KAZN: variants seen among roughly 807,000 people sequenced by gnomAD.
The protein encoded by KAZN is kazrin, periplakin interacting protein, also known as kazrin.
KAZN carries 40 observed loss-of-function variants against 87.4 expected under a neutral mutation model. The observed-to-expected ratio is 0.46, with a 90% CI of 0.36 to 0.60. KAZN has a LOEUF of 0.60. Ranked by LOEUF, KAZN falls within the 20% of genes least tolerant of loss-of-function variation. The probability of loss-of-function intolerance (pLI) is 0.00; values close to 1 mark genes in which losing one functional copy is unlikely to be tolerated. For missense variants in KAZN, 898 were observed against 1,073.9 expected (o/e 0.84, Z 2.29); for synonymous variants, 466 against 458.3 (o/e 1.02, Z -0.22).
intron 2 of KAZN, among the ~76,000 whole-genome samples, chr1:14,266,743 T>C (rs1488359141): frequency 1.3e-5 from 2 of 152,142 alleles, no homozygotes; most frequent in Non-Finnish European, 2.9e-5. Context: ...GACGTAGACA[T>C]GCCAATTCAC....
At chr1:13,983,538 G>T (rs528538588) in intron 1 of KAZN, among the ~76,000 whole-genome samples, 4 of 152,306 alleles carry the variant, frequency 2.6e-5, no homozygotes, top group Admixed American at 1.3e-4. Context: ...TCCTGCTCGG[G>T]CCTCTCCCTC....
intron 1 of KAZN, among the ~76,000 whole-genome samples, chr1:13,956,316 T>C (rs865883662): frequency 7.1e-6 from 1 of 140,604 alleles, no homozygotes; most frequent in Non-Finnish European, 1.5e-5. Context: ...TTTTCTTTTT[T>C]TTTTTTTGAT....
chr1:14,359,110 A>G lies in KAZN; in HGVS notation c.249+178518A>G, dbSNP rs1158127967. 2.0e-5 allele frequency among the ~76,000 whole-genome samples: 3 copies of G among 152,136 alleles called. No individual in the cohort carries two copies. In the East Asian group the frequency reaches 5.8e-4, roughly 29 times the overall value. Reference sequence around the variant, plus strand: ...GCTTTATGAATCTGGGTGCTCCTGTATTGGGTGCATATATATTTAGGATAG... The same window carrying G: ...GCTTTATGAATCTGGGTGCTCCTGTGTTGGGTGCATATATATTTAGGATAG... On this transcript the variant is annotated intron_variant, in intron 2 of 16. Coordinates refer to the KAZN transcript ENST00000636203.
intron 2 of KAZN, among the ~76,000 whole-genome samples, chr1:14,323,937 C>T (rs1224162406): frequency 6.6e-6 from 1 of 152,186 alleles, no homozygotes; most frequent in Non-Finnish European, 1.5e-5. Context: ...TCTAACCTTT[C>T]AAGTACTTGG....
chr1:15,067,775 C>G (rs878867779), intron 8 of KAZN: 3 of 985,348 alleles, frequency 3.0e-6, no homozygotes, highest in Non-Finnish European at 3.6e-6. Context: ...ACTGTTTAAC[C>G]GAGCCTAGGG....
At chr1:14,382,231 A>G (rs1375203454) in intron 2 of KAZN, among the ~76,000 whole-genome samples, 1 of 152,234 alleles carries the variant, frequency 6.6e-6, no homozygotes, top group Non-Finnish European at 1.5e-5. Flanking sequence ...AAATGTCCAT[A>G]CTACCCAATG....
At chr1:14,489,913 T>A (rs552071428) in intron 2 of KAZN, among the ~76,000 whole-genome samples, 61 of 152,320 alleles carry the variant, frequency 4.0e-4, no homozygotes, top group African/African-American at 1.4e-3. Context: ...TTTGCCTACA[T>A]ATCTGACTGT....
At chr1:14,119,215 C>T (rs1644698105) in intron 1 of KAZN, among the ~76,000 whole-genome samples, 2 of 152,152 alleles carry the variant, frequency 1.3e-5, no homozygotes, top group Non-Finnish European at 1.5e-5. Context: ...GACCAGGCAG[C>T]CCATGGGTCT....
intron 1 of KAZN, among the ~76,000 whole-genome samples, chr1:14,785,158 G>A (rs1458192274): frequency 6.6e-6 from 1 of 151,994 alleles, no homozygotes; most frequent in Non-Finnish European, 1.5e-5. Context: ...TAGAAAAGGG[G>A]ATTTATTGGA....
At chr1:14,420,724 C>T (rs1469843718) in intron 2 of KAZN, among the ~76,000 whole-genome samples, 1 of 152,158 alleles carries the variant, frequency 6.6e-6, no homozygotes, top group Non-Finnish European at 1.5e-5. Flanking sequence ...ACCTGGCGCA[C>T]CCTTTGCAGC....
At position 14,996,006 on chromosome 1, in the gene KAZN, C is replaced by T. The variant is rs910721762; in HGVS notation, c.418+35131C>T. Among the ~76,000 whole-genome samples, 2 of 152,108 alleles carry T rather than the reference C, an allele frequency of 1.3e-5. No individual in the cohort carries two copies. The highest frequency in any genetic ancestry group is 2.4e-5 in the African/African-American group (1 of 41,422). ...GTCAACAGTCAGCTGGACCCAAGGGCGGCTGCCCTATAAGACACCTAATGC... is the reference window on the plus strand; with the variant it reads ...GTCAACAGTCAGCTGGACCCAAGGGTGGCTGCCCTATAAGACACCTAATGC... On this transcript the variant is annotated intron_variant, in intron 2 of 14. Coordinates refer to ENST00000376030, the MANE Select transcript of KAZN (RefSeq NM_201628.3). The surrounding 1 kb of genome is among the most constrained non-coding windows in gnomAD (Gnocchi z 5.9).
chr1:15,061,753 C>G (rs1020837371), intron 6 of KAZN: 1 of 152,268 alleles, frequency 6.6e-6, no homozygotes, highest in Non-Finnish European at 1.5e-5. Flanking sequence ...CTCCTGACCT[C>G]AGGCGATCTG....
In KAZN at chr1:14,750,409, G is replaced by A. The variant is rs570972699; in HGVS notation, c.226+151186G>A. ...AAGCCAATTTTTTACCTGACTTAACGGAAACGAAGTTTTACGTGCTCCCTA... is the reference window on the plus strand; with the variant it reads ...AAGCCAATTTTTTACCTGACTTAACAGAAACGAAGTTTTACGTGCTCCCTA... On this transcript the variant is annotated intron_variant, in intron 1 of 14. Transcript: ENST00000376030. Among the ~76,000 whole-genome samples the A allele has an allele frequency of 5.3e-5, 8 of 152,176 alleles. No homozygotes were observed. In the East Asian group the frequency reaches 1.2e-3, roughly 22 times the overall value.
In KAZN at chr1:14,005,009, A is replaced by T. The variant is rs1191445930; in HGVS notation, c.91+111253A>T. 2.6e-5 allele frequency among the ~76,000 whole-genome samples: 4 copies of T among 151,446 alleles called. No homozygotes were observed. In the South Asian group the frequency reaches 8.3e-4, roughly 31 times the overall value. On this transcript the variant is annotated intron_variant, in intron 1 of 16. Transcript: ENST00000636203. ...CCATCAGCAAGAAGTCTCTTATCAG[A>T]TGCACTCCCTCCGCTTTAGACTTTC...
At chr1:13,903,233 T>C (rs1639312703) in intron 1 of KAZN, among the ~76,000 whole-genome samples, 1 of 152,214 alleles carries the variant, frequency 6.6e-6, no homozygotes, top group Non-Finnish European at 1.5e-5. Flanking sequence ...CCACTTGTGG[T>C]TTTATGGTCT....
At chr1:14,185,154 C>T (rs982934940) in intron 2 of KAZN, among the ~76,000 whole-genome samples, 2 of 152,106 alleles carry the variant, frequency 1.3e-5, no homozygotes, top group African/African-American at 4.8e-5. Context: ...TGGATGGTAC[C>T]GCACATGTGG....
intron 2 of KAZN, among the ~76,000 whole-genome samples, chr1:14,407,207 G>T (rs565960562): frequency 2.0e-4 from 30 of 152,276 alleles, no homozygotes; most frequent in African/African-American, 6.5e-4. Context: ...ATGCTCCTGT[G>T]AACTCTTGTC....
chr1:14,525,177 A>G (rs1422436182), intron 2 of KAZN, among the ~76,000 whole-genome samples: 1 of 152,258 alleles, frequency 6.6e-6, no homozygotes, highest in Non-Finnish European at 1.5e-5. Context: ...TGTGTATGTA[A>G]CAGAATAGAG....
intron 2 of KAZN, among the ~76,000 whole-genome samples, chr1:14,584,704 G>A (rs1675749560): frequency 6.6e-6 from 1 of 152,056 alleles, no homozygotes; most frequent in African/African-American, 2.4e-5. Flanking sequence ...GAGTGCAATG[G>A]CACAATCTTG....
Sources: allele counts gnomAD v4.1 joint callset (sites outside exome capture counted in the v4.1 genomes callset), GRCh38; gene constraint gnomAD v4.1.1; non-coding constraint Gnocchi (gnomAD v3.1); transcripts MANE v1.5; gene names NCBI Gene and HGNC (gene_info 2026-07-23, HGNC 2026-07-21).